PLPP1: variants seen among roughly 807,000 people sequenced by gnomAD.
PLPP1 encodes the protein phospholipid phosphatase 1, also known as lipid phosphate phosphohydrolase 1a.
A neutral mutation model predicts 31.2 loss-of-function variants in PLPP1; 24 were observed. The observed-to-expected ratio is 0.77, with a 90% CI of 0.56 to 1.08. The LOEUF (loss-of-function observed/expected upper bound fraction) is 1.08, where lower values mean the gene tolerates loss of function less well. PLPP1 is among the 50% of genes least tolerant of loss of function. PLPP1 has a pLI of 0.00. For synonymous variants in PLPP1, 146 were observed against 126.3 expected (o/e 1.16, Z -1.05); for missense variants, 319 against 342.7 (o/e 0.93, Z 0.55).
At chr5:55,457,691 C>T (rs574777064) in intron 3 of PLPP1, among the ~76,000 whole-genome samples, 2 of 152,100 alleles carry the variant, frequency 1.3e-5, no homozygotes, top group Admixed American at 6.5e-5. Flanking sequence ...CAGTTCGAGA[C>T]CAGCCTGGCC....
chr5:55,473,678 A>G (rs7700492), intron 2 of PLPP1, among the ~76,000 whole-genome samples: 131,537 of 151,976 alleles, frequency 0.87, 57,254 homozygotes, highest in South Asian at 0.92. Flanking sequence ...GTGTGTTTGA[A>G]AGAGGGTCTC....
chr5:55,520,853 A>G (rs1753648870), intron 1 of PLPP1, among the ~76,000 whole-genome samples: 1 of 152,242 alleles, frequency 6.6e-6, no homozygotes, highest in African/African-American at 2.4e-5. Context: ...AATGTGCCCA[A>G]AAGTTTACAT....
chr5:55,440,390 G>C (rs990165400), intron 4 of PLPP1, among the ~76,000 whole-genome samples: 1 of 152,132 alleles, frequency 6.6e-6, no homozygotes, highest in African/African-American at 2.4e-5. Context: ...CCTGGTCCTC[G>C]TGCTCTAATT....
chr5:55,455,809 GA>G (rs1413154480), intron 3 of PLPP1, among the ~76,000 whole-genome samples: 1 of 152,194 alleles, frequency 6.6e-6, no homozygotes, highest in African/African-American at 2.4e-5. Flanking sequence ...AAACTTGTTA[GA>G]AGAAATACAA....
intron 3 of PLPP1, among the ~76,000 whole-genome samples, chr5:55,448,462 T>A (rs1751818540): frequency 6.6e-6 from 1 of 150,878 alleles, no homozygotes; most frequent in Non-Finnish European, 1.5e-5. Flanking sequence ...TTTTTTTTTT[T>A]TTTTTGACAG....
chr5:55,470,921 A>C (rs1247001654), intron 2 of PLPP1, among the ~76,000 whole-genome samples: 1 of 152,210 alleles, frequency 6.6e-6, no homozygotes, highest in African/African-American at 2.4e-5. Flanking sequence ...AAAGCTAATA[A>C]TTATCTAAAT....
At chr5:55,534,090 A>G (rs1010876855) in intron 1 of PLPP1, among the ~76,000 whole-genome samples, 5 of 152,136 alleles carry the variant, frequency 3.3e-5, no homozygotes, top group Non-Finnish European at 5.9e-5. Context: ...ACAACCTGGC[A>G]CACCTTCTAA....
chr5:55,477,250 G>A (rs1307322790), intron 1 of PLPP1, among the ~76,000 whole-genome samples: 1 of 152,168 alleles, frequency 6.6e-6, no homozygotes, highest in Non-Finnish European at 1.5e-5. Context: ...CACACACTGT[G>A]GAGGTAAATA....
At chr5:55,532,465 AT>A (rs1218491333) in intron 1 of PLPP1, among the ~76,000 whole-genome samples, 2 of 152,150 alleles carry the variant, frequency 1.3e-5, no homozygotes, top group Admixed American at 6.5e-5. Flanking sequence ...TTAGAAATAT[AT>A]TTTTTTCTGA....
At chr5:55,497,906 T>C (rs1198540287) in intron 1 of PLPP1, among the ~76,000 whole-genome samples, 1 of 151,838 alleles carries the variant, frequency 6.6e-6, no homozygotes, top group African/African-American at 2.4e-5. Flanking sequence ...AACTCTACTC[T>C]CCTCCTGCCA....
intron 3 of PLPP1, among the ~76,000 whole-genome samples, chr5:55,451,689 G>A (rs1751896390): frequency 6.6e-6 from 1 of 152,014 alleles, no homozygotes; most frequent in East Asian, 1.9e-4. Flanking sequence ...AGCCTCCTGA[G>A]TAGCTGGGAT....
chr5:55,518,626 T>C (rs1222119065), intron 1 of PLPP1, among the ~76,000 whole-genome samples: 1 of 152,196 alleles, frequency 6.6e-6, no homozygotes, highest in Non-Finnish European at 1.5e-5. Context: ...CTTTTTCCTA[T>C]TTTATGCTGA....
rs1751130217 is a variant in PLPP1 at position 55,424,943 on chromosome 5, A to C, written c.*263T>G. ...ATTACATACATGTTTATACATAAGC[A>C]TTACATTTTTTTAATAAAAATGTAT... is the stretch of plus-strand genomic sequence containing the variant. On this transcript the variant is annotated 3_prime_UTR_variant, in exon 6 of 6. Coordinates refer to ENST00000307259, the MANE Select transcript of PLPP1 (RefSeq NM_003711.4). 1 of 634,366 alleles carries C rather than the reference A, an allele frequency of 1.6e-6. No individual in the cohort carries two copies. The highest frequency in any genetic ancestry group is 1.8e-5 in the African/African-American group (1 of 54,674). 39.3% of individuals were successfully genotyped at this position (634,366 alleles called of 1,614,324 possible).
At chr5:55,456,552 TA>T (rs1752014868) in intron 3 of PLPP1, among the ~76,000 whole-genome samples, 1 of 152,170 alleles carries the variant, frequency 6.6e-6, no homozygotes, top group Non-Finnish European at 1.5e-5. Context: ...ACTATAATCC[TA>T]AAAAACTATA....
chr5:55,504,832 A>C (rs1230120382), intron 1 of PLPP1, among the ~76,000 whole-genome samples: 1 of 120,794 alleles, frequency 8.3e-6, no homozygotes. Context: ...TTTTTTTTTG[A>C]GAGTGTTTCA....
At chr5:55,513,582 C>T (rs944741563) in intron 1 of PLPP1, among the ~76,000 whole-genome samples, 3 of 151,900 alleles carry the variant, frequency 2.0e-5, no homozygotes, top group African/African-American at 7.2e-5. Context: ...TATATTAACT[C>T]TTGAAGAAAG....
chr5:55,431,849 AAAAG>A (rs1315820639), intron 4 of PLPP1, among the ~76,000 whole-genome samples: 1 of 152,214 alleles, frequency 6.6e-6, no homozygotes, highest in African/African-American at 2.4e-5. Context: ...CGACAAGAGA[AAAAG>A]AAAACCCAAA....
At chr5:55,445,990 T>C (rs560895847) in intron 3 of PLPP1, among the ~76,000 whole-genome samples, 11 of 152,340 alleles carry the variant, frequency 7.2e-5, no homozygotes, top group African/African-American at 2.6e-4. Context: ...GCCAGTTCTT[T>C]CTGGGTAATC....
chr5:55,491,860 GA>G (rs35303375), intron 1 of PLPP1, among the ~76,000 whole-genome samples: 25 of 102,274 alleles, frequency 2.4e-4, no homozygotes, highest in Admixed American at 3.6e-4. Flanking sequence ...TCAATCTCAG[GA>G]AAAAAAAAAA....
Sources: gnomAD v4.1 joint callset for allele counts (sites outside exome capture counted in the v4.1 genomes callset) on GRCh38, gnomAD v4.1.1 for gene constraint, MANE v1.5 for transcripts, NCBI Gene and HGNC (gene_info 2026-07-23, HGNC 2026-07-21) for gene names.